Variants in GRM7 observed in about 807,000 individuals in gnomAD.
The protein encoded by GRM7 is metabotropic glutamate receptor 7.
Under a neutral mutation model 84.5 loss-of-function variants are expected in GRM7, and 35 were observed. That is an observed-to-expected ratio of 0.41 (90% CI 0.32 to 0.55). The LOEUF (loss-of-function observed/expected upper bound fraction) is 0.55. Among genes scored for constraint, GRM7 ranks in the 20% least tolerant of loss-of-function variants. GRM7 has a pLI of 0.19. For missense variants in GRM7, 1,003 were observed against 1,194.6 expected, an observed-to-expected ratio of 0.84 and a Z score of 2.36; for synonymous variants, 487 against 455.1, an observed-to-expected ratio of 1.07 and a Z score of -0.89.
chr3:6,996,877 T>A (rs1694845463), intron 1 of GRM7, among the ~76,000 whole-genome samples: 1 of 152,134 alleles, frequency 6.6e-6, no homozygotes, highest in Non-Finnish European at 1.5e-5. Flanking sequence ...AACAAAAAGC[T>A]AGTGAATTGA....
chr3:7,098,588 TA>T (rs551765756), intron 1 of GRM7, among the ~76,000 whole-genome samples: 2 of 151,996 alleles, frequency 1.3e-5, no homozygotes, highest in Non-Finnish European at 2.9e-5. Flanking sequence ...AGACATTATT[TA>T]AAAAAATAAA....
chr3:7,488,952 G>A (rs980938043), intron 7 of GRM7, among the ~76,000 whole-genome samples: 3 of 151,982 alleles, frequency 2.0e-5, no homozygotes, highest in African/African-American at 7.3e-5. Flanking sequence ...GATGGTGACA[G>A]GGTGATAGAT....
chr3:7,395,073 A>G (rs1280732066), intron 4 of GRM7, among the ~76,000 whole-genome samples: 1 of 151,828 alleles, frequency 6.6e-6, no homozygotes, highest in Non-Finnish European at 1.5e-5. Context: ...AGCGTATCTT[A>G]TAACTTACAA....
chr3:7,416,492 C>T (rs1262822561), intron 5 of GRM7, among the ~76,000 whole-genome samples: 2 of 152,078 alleles, frequency 1.3e-5, no homozygotes, highest in Non-Finnish European at 2.9e-5. Flanking sequence ...GATTAATCCA[C>T]TCAACCATCA....
At chr3:6,948,857 A>T (rs936202926) in intron 1 of GRM7, among the ~76,000 whole-genome samples, 11 of 152,108 alleles carry the variant, frequency 7.2e-5, no homozygotes, top group African/African-American at 2.7e-4. Flanking sequence ...AGTCTGTTTT[A>T]TCCAAGACTA....
intron 3 of GRM7, among the ~76,000 whole-genome samples, chr3:7,299,702 A>G (rs1699931525): frequency 2.0e-5 from 3 of 151,806 alleles, no homozygotes; most frequent in Admixed American, 2.0e-4. Context: ...TTTATTTATC[A>G]TTTTATCATG....
At chr3:7,161,799 T>C (rs1694632616) in intron 2 of GRM7, among the ~76,000 whole-genome samples, 1 of 152,124 alleles carries the variant, frequency 6.6e-6, no homozygotes, top group African/African-American at 2.4e-5. Context: ...TGAATTTAGG[T>C]GAGATGAACG....
intron 7 of GRM7, among the ~76,000 whole-genome samples, chr3:7,538,076 T>C: frequency 6.6e-6 from 1 of 152,244 alleles, no homozygotes; most frequent in East Asian, 1.9e-4. Context: ...TAACCAGGAG[T>C]TTCTGCCTAG....
chr3:7,572,823 AATATATATATATATAT>A (rs1158871205), intron 7 of GRM7, among the ~76,000 whole-genome samples: 170 of 12,452 alleles, frequency 0.014, 4 homozygotes, highest in African/African-American at 0.033. Context: ...CTCTATCTCA[AATATATATATATATAT>A]ATATATATAT....
intron 2 of GRM7, among the ~76,000 whole-genome samples, chr3:7,209,721 A>G (rs1279258549): frequency 1.3e-5 from 2 of 152,224 alleles, no homozygotes; most frequent in Non-Finnish European, 2.9e-5. Context: ...AAGAGAAGGC[A>G]TACAAACCAG....
intron 4 of GRM7, among the ~76,000 whole-genome samples, chr3:7,349,634 T>C (rs1693044989): frequency 6.6e-6 from 1 of 152,162 alleles, no homozygotes; most frequent in Non-Finnish European, 1.5e-5. Context: ...TGGGGAACTT[T>C]AGATAGTACC....
intron 1 of GRM7, among the ~76,000 whole-genome samples, chr3:6,981,254 G>A (rs1487536601): frequency 6.6e-6 from 1 of 152,022 alleles, no homozygotes; most frequent in Non-Finnish European, 1.5e-5. Context: ...AAATATCTTG[G>A]CTTTAAGAAC....
At chr3:7,568,919 G>A (rs375668163) in intron 7 of GRM7, among the ~76,000 whole-genome samples, 41 of 152,166 alleles carry the variant, frequency 2.7e-4, no homozygotes, top group East Asian at 1.6e-3. Flanking sequence ...CCGGACGAGC[G>A]CCGCCCCCTG....
chr3:7,624,062 A>C (rs1330068156), intron 8 of GRM7, among the ~76,000 whole-genome samples: 1 of 152,170 alleles, frequency 6.6e-6, no homozygotes, highest in Non-Finnish European at 1.5e-5. Flanking sequence ...AAGTCACTAA[A>C]ACGCATTGAA....
chr3:7,322,679 CT>C (rs779301504), intron 4 of GRM7, among the ~76,000 whole-genome samples: 6 of 151,738 alleles, frequency 4.0e-5, no homozygotes, highest in Non-Finnish European at 5.9e-5. Context: ...TCCTGAGTTG[CT>C]TCACTTAGAA....
chr3:6,940,878 C>G (rs528428304), intron 1 of GRM7, among the ~76,000 whole-genome samples: 1 of 152,302 alleles, frequency 6.6e-6, no homozygotes, highest in East Asian at 1.9e-4. Flanking sequence ...CCTAGAAATT[C>G]CTGCAGTCAC....
intron 4 of GRM7, among the ~76,000 whole-genome samples, chr3:7,388,506 A>G (rs1236468981): frequency 6.6e-6 from 1 of 152,112 alleles, no homozygotes; most frequent in East Asian, 1.9e-4. Flanking sequence ...GATTATTTTC[A>G]GTAGGGATGG....
chr3:7,625,946 T>C (rs151025449), intron 8 of GRM7, among the ~76,000 whole-genome samples: 3 of 152,150 alleles, frequency 2.0e-5, no homozygotes, highest in South Asian at 2.1e-4. Flanking sequence ...AGAACAACCA[T>C]TGAGGCAAGA....
chr3:7,267,586 C>G (rs1698690654), intron 2 of GRM7, among the ~76,000 whole-genome samples: 1 of 152,166 alleles, frequency 6.6e-6, no homozygotes, highest in Non-Finnish European at 1.5e-5. Context: ...GCCCGGAGTG[C>G]CAATCACTGA....
Sources: gnomAD v4.1 joint callset for allele counts (sites outside exome capture counted in the v4.1 genomes callset) on GRCh38, gnomAD v4.1.1 for gene constraint, MANE v1.5 for transcripts, NCBI Gene and HGNC (gene_info 2026-07-23, HGNC 2026-07-21) for gene names.